Variants in GRXCR2 observed in about 807,000 individuals in gnomAD.
GRXCR2 encodes glutaredoxin domain-containing cysteine-rich protein 2.
A neutral mutation model predicts 24.8 loss-of-function variants in GRXCR2; 23 were observed. The ratio of observed to expected loss-of-function variants is 0.93; its 90% CI spans 0.67 to 1.32. The LOEUF is 1.32. GRXCR2 is among the 40% of genes most tolerant of loss of function. GRXCR2 has a pLI of 0.00. For synonymous variants in GRXCR2, 130 were observed against 116.1 expected, an observed-to-expected ratio of 1.12 and a Z score of -0.77; for missense variants, 315 against 303.4, an observed-to-expected ratio of 1.04 and a Z score of -0.28.
intron 2 of GRXCR2, among the ~76,000 whole-genome samples, chr5:145,893,398 CAG>C (rs1466356275): frequency 6.6e-6 from 1 of 152,044 alleles, no homozygotes; most frequent in Non-Finnish European, 1.5e-5. Context: ...ATCTCACGTG[CAG>C]AGACACACAT....
intron 1 of GRXCR2, among the ~76,000 whole-genome samples, chr5:145,871,221 A>G (rs1014278642): frequency 2.0e-5 from 3 of 152,244 alleles, no homozygotes; most frequent in Non-Finnish European, 2.9e-5. Flanking sequence ...CAAATAAGAC[A>G]TAGTTAAAAA....
At chr5:145,889,275 G>A (rs1756828916) in intron 2 of GRXCR2, among the ~76,000 whole-genome samples, 1 of 151,938 alleles carries the variant, frequency 6.6e-6, no homozygotes, top group Non-Finnish European at 1.5e-5. Context: ...GGACTTGGGG[G>A]GAAGTGTTGG....
At chr5:145,869,725 T>A (rs1476800874) in intron 1 of GRXCR2, among the ~76,000 whole-genome samples, 2 of 151,996 alleles carry the variant, frequency 1.3e-5, no homozygotes, top group Non-Finnish European at 2.9e-5. Flanking sequence ...ACCTGGCTAA[T>A]TTTTTGTATT....
At chr5:145,922,835 G>C (rs528962874) in intron 2 of GRXCR2, among the ~76,000 whole-genome samples, 2 of 152,304 alleles carry the variant, frequency 1.3e-5, no homozygotes, top group East Asian at 3.9e-4. Context: ...CCCAGAACTA[G>C]CCCTAGTCTG....
intron 1 of GRXCR2, among the ~76,000 whole-genome samples, chr5:145,869,057 A>G (rs538671472): frequency 2.0e-5 from 3 of 152,372 alleles, no homozygotes; most frequent in East Asian, 3.9e-4. Flanking sequence ...CTGTGGCAAC[A>G]TAACTAGAGA....
intron 2 of GRXCR2, among the ~76,000 whole-genome samples, chr5:145,896,371 G>A (rs1256184498): frequency 1.3e-5 from 2 of 152,126 alleles, no homozygotes; most frequent in Non-Finnish European, 2.9e-5. Context: ...GAAAATTTTT[G>A]CAATCTACTC....
intron 2 of GRXCR2, among the ~76,000 whole-genome samples, chr5:145,929,112 T>G (rs2149931145): frequency 6.7e-6 from 1 of 150,308 alleles, no homozygotes; most frequent in African/African-American, 2.4e-5. Context: ...TCATATAACT[T>G]AAGTTTCAAT....
chr5:145,882,723 G>T (rs564071343), intron 2 of GRXCR2, among the ~76,000 whole-genome samples: 1 of 152,056 alleles, frequency 6.6e-6, no homozygotes, highest in Non-Finnish European at 1.5e-5. Flanking sequence ...ACATGCACAC[G>T]TATGTTTATT....
chr5:145,882,785 G>A (rs934767771), intron 2 of GRXCR2, among the ~76,000 whole-genome samples: 3 of 152,024 alleles, frequency 2.0e-5, no homozygotes, highest in African/African-American at 7.2e-5. Flanking sequence ...ATGTCCATCA[G>A]TGATAGACTG....
intron 2 of GRXCR2, among the ~76,000 whole-genome samples, chr5:145,883,699 C>A (rs975735302): frequency 2.0e-5 from 3 of 152,060 alleles, no homozygotes; most frequent in African/African-American, 7.2e-5. Flanking sequence ...TCAAGACCAG[C>A]CTGGGCAAGT....
At chr5:145,906,365 G>T (rs75350740) in intron 2 of GRXCR2, among the ~76,000 whole-genome samples, 5 of 152,052 alleles carry the variant, frequency 3.3e-5, no homozygotes, top group Admixed American at 1.3e-4. Context: ...AAAAAGGGGG[G>T]TGCTTATCTT....
intron 2 of GRXCR2, among the ~76,000 whole-genome samples, chr5:145,929,199 C>CATATATATATATATATA (rs373040257): frequency 5.2e-5 from 6 of 116,486 alleles, no homozygotes; most frequent in East Asian, 3.4e-4. Context: ...ATATTCCCCC[C>CATATATATATATATATA]TATATATATA....
chr5:145,858,878 C>A lies in GRXCR2; in HGVS notation c.*855G>T, dbSNP rs947453861. ...TTAATTTTTTTCTTTTAGAGATTTC[C>A]AGTAGGTAATCTATAAAATACCTGC... On this transcript the variant is annotated 3_prime_UTR_variant, in exon 3 of 3. Transcript: ENST00000377976. The A allele has an allele frequency of 9.9e-5, 15 of 152,024 alleles. No homozygotes were observed. The highest frequency in any genetic ancestry group is 3.6e-4 in the African/African-American group (15 of 41,366). The allele number at this position is 152,024 out of a possible 1,614,324, so 9.4% of individuals were successfully genotyped here. A position where few individuals can be genotyped will look rare whatever the true frequency, so the allele number is the denominator to read the frequency against.
At chr5:145,893,548 A>G (rs1430230372) in intron 2 of GRXCR2, among the ~76,000 whole-genome samples, 2 of 152,228 alleles carry the variant, frequency 1.3e-5, no homozygotes, top group Non-Finnish European at 2.9e-5. Flanking sequence ...GCCATTATAT[A>G]ATGGTGAATG....
At chr5:145,904,736 T>A (rs1757067735) in intron 2 of GRXCR2, among the ~76,000 whole-genome samples, 1 of 152,192 alleles carries the variant, frequency 6.6e-6, no homozygotes, top group Non-Finnish European at 1.5e-5. Context: ...ACCTAATGAC[T>A]TTAAATGACA....
In GRXCR2 at chr5:145,922,007, T is replaced by C. The variant is rs1241100974; in HGVS notation, c.-70+13694A>G. On this transcript the variant is annotated intron_variant, in intron 2 of 3. Coordinates refer to the GRXCR2 transcript ENST00000639411. ...GAAAACATTTGTTGTCAAAAATATA[T>C]AAACAGCCCCCAAATCTAAAGGGAA... is the stretch of plus-strand genomic sequence containing the variant. 2.0e-5 allele frequency among the ~76,000 whole-genome samples: 3 copies of C among 152,306 alleles called. No individual in the cohort carries two copies. In the East Asian group the frequency reaches 5.8e-4, roughly 29 times the overall value.
intron 2 of GRXCR2, among the ~76,000 whole-genome samples, chr5:145,894,036 G>A (rs2149920142): frequency 6.6e-6 from 1 of 152,304 alleles, no homozygotes; most frequent in South Asian, 2.1e-4. Context: ...AATGACCACT[G>A]GGTGCATAAT....
chr5:145,928,405 A>C (rs1201634483), intron 2 of GRXCR2, among the ~76,000 whole-genome samples: 1 of 152,146 alleles, frequency 6.6e-6, no homozygotes, highest in Non-Finnish European at 1.5e-5. Context: ...ATTACTGGGT[A>C]TATACCCAAA....
chr5:145,886,435 G>A (rs1044434385), intron 2 of GRXCR2, among the ~76,000 whole-genome samples: 2 of 152,106 alleles, frequency 1.3e-5, no homozygotes, highest in South Asian at 2.1e-4. Flanking sequence ...GAGTGTGGTG[G>A]AAAAACATCC....
Sources: allele counts gnomAD v4.1 joint callset (sites outside exome capture counted in the v4.1 genomes callset), GRCh38; gene constraint gnomAD v4.1.1; transcripts MANE v1.5; gene names NCBI Gene and HGNC (gene_info 2026-07-23, HGNC 2026-07-21).